HDAC4: variants seen among roughly 807,000 people sequenced by gnomAD.
The protein encoded by HDAC4 is histone deacetylase 4.
In HDAC4, 16 loss-of-function variants were observed where a neutral mutation model predicts 135.1. That is an observed-to-expected ratio of 0.12 (90% confidence interval 0.08 to 0.18). The LOEUF is 0.18. HDAC4 is among the 10% of genes least tolerant of loss of function. The probability of loss-of-function intolerance (pLI) is 1.00; values close to 1 mark genes in which losing one functional copy is unlikely to be tolerated. For missense variants in HDAC4, 1,143 were observed against 1,511.8 expected (o/e 0.76, Z 4.05); for synonymous variants, 685 against 653.4 (o/e 1.05, Z -0.74).
rs764669762 is a variant in HDAC4, at chr2:239,049,195, T to G, written c.*3902A>C. Reference sequence around the variant, plus strand: ...ATGACAAATGTTTAAGTAGTCCTTTTTATTTTTCTTACAATAAAAAGTACA... The same window carrying G: ...ATGACAAATGTTTAAGTAGTCCTTTGTATTTTTCTTACAATAAAAAGTACA... On this transcript the variant is annotated 3_prime_UTR_variant, in exon 27 of 27. Coordinates refer to ENST00000543185, the MANE Select transcript of HDAC4 (RefSeq NM_001378414.1). 6.6e-6 allele frequency: 1 copy of G among 152,560 alleles called. No homozygotes were observed. The highest frequency in any genetic ancestry group is 6.5e-5 in the Admixed American group (1 of 15,290). 9.5% of individuals were successfully genotyped at this position (152,560 alleles called of 1,614,324 possible).
chr2:239,053,248 C>T lies in HDAC4; in HGVS notation c.3231-112G>A, dbSNP rs2031164366. On this transcript the variant is annotated intron_variant, in intron 26 of 26. Coordinates refer to ENST00000543185, the MANE Select transcript of HDAC4 (RefSeq NM_001378414.1). ...TGCTGCCCCACCCGCCAGCCTAGCCCTGGCCTGGCAGCCCCGGGTCCATCT... is the reference window on the plus strand; with the variant it reads ...TGCTGCCCCACCCGCCAGCCTAGCCTTGGCCTGGCAGCCCCGGGTCCATCT... The T allele has an allele frequency of 4.2e-6, 6 of 1,445,678 alleles. No individual in the cohort carries two copies. The African/African-American group carries it at 5.6e-5, about 14-fold the overall frequency. 89.6% of individuals were successfully genotyped at this position (1,445,678 alleles called of 1,614,324 possible). A position where few individuals can be genotyped will look rare whatever the true frequency, so the allele number is the denominator to read the frequency against.
At chr2:239,132,862 C>T (rs6743011) in intron 11 of HDAC4, among the ~76,000 whole-genome samples, 12,447 of 152,148 alleles carry the variant, frequency 0.082, 1,713 homozygotes, top group African/African-American at 0.28. Context: ...TAAAGACAGG[C>T]GAGAAACTCA....
chr2:239,342,108 T>C (rs977145949), intron 2 of HDAC4, among the ~76,000 whole-genome samples: 1 of 152,114 alleles, frequency 6.6e-6, no homozygotes, highest in Admixed American at 6.5e-5. Flanking sequence ...TATTTACATA[T>C]CATCCACCCT....
At chr2:239,107,861 GC>G (rs1434170795) in intron 15 of HDAC4, among the ~76,000 whole-genome samples, 188 bp downstream of exon 15, 1 of 152,234 alleles carries the variant, frequency 6.6e-6, no homozygotes, top group Non-Finnish European at 1.5e-5. Flanking sequence ...CAGGGAGACA[GC>G]CCCGGGCTTC....
At chr2:239,107,021 G>A (rs2038206525) in intron 15 of HDAC4, among the ~76,000 whole-genome samples, 1 of 149,328 alleles carries the variant, frequency 6.7e-6, no homozygotes, top group Non-Finnish European at 1.5e-5. Flanking sequence ...ACCCTGCACA[G>A]TGTTGCCAGC....
At chr2:239,121,205 C>T (rs1455914026) in intron 12 of HDAC4, among the ~76,000 whole-genome samples, 6 of 152,196 alleles carry the variant, frequency 3.9e-5, no homozygotes, top group African/African-American at 1.4e-4. Flanking sequence ...GATCCACCCA[C>T]CTTGGCCTCC....
rs951598184 is a variant in HDAC4 at position 239,240,982 on chromosome 2, T to C, written c.23-4318A>G. Among the ~76,000 whole-genome samples the C allele has an allele frequency of 1.3e-5, 2 of 152,162 alleles. No individual in the cohort carries two copies. The highest frequency in any genetic ancestry group is 2.9e-5 in the Non-Finnish European group (2 of 68,012). ...TTCTGGAGCCAAAGGAACCTCACTT[T>C]CACCCGGAGGGCCCAGGCCCCCCAC... is the stretch of plus-strand genomic sequence containing the variant. On this transcript the variant is annotated intron_variant, in intron 2 of 26. Coordinates refer to ENST00000543185, the MANE Select transcript of HDAC4 (RefSeq NM_001378414.1). This position sits in a 1 kb window ranked among gnomAD's most constrained non-coding sequence, Gnocchi z 4.5.
chr2:239,084,341 A>T, intron 19 of HDAC4, 99 bp from the exon 20 acceptor site: 4 of 803,100 alleles, frequency 5.0e-6, no homozygotes, highest in Non-Finnish European at 6.4e-6. Flanking sequence ...CGCAGACCTA[A>T]GAGGTCTCTG....
At chr2:239,163,644 G>A (rs942493108) in intron 6 of HDAC4, among the ~76,000 whole-genome samples, 159 bp downstream of exon 6, 39 of 152,274 alleles carry the variant, frequency 2.6e-4, no homozygotes, top group African/African-American at 8.9e-4. Context: ...CCCAGAACAC[G>A]TCACCCACAT....
Position 239,190,177 on chromosome 2 carries a change from G to C in HDAC4, c.95-100C>G, listed in dbSNP as rs570604738. Reference sequence around the variant, plus strand: ...CACACTGGCCACCTTCACGGGGCGGGGGGGGGGTTGTGACCATTTGAGGAT... The same window carrying C: ...CACACTGGCCACCTTCACGGGGCGGCGGGGGGGTTGTGACCATTTGAGGAT... On this transcript the variant is annotated intron_variant, in intron 3 of 26. Transcript: ENST00000543185. 4.2e-5 allele frequency: 60 copies of C among 1,436,550 alleles called. 1 individual carries two copies. In the Middle Eastern group the frequency reaches 7.6e-4, roughly 18 times the overall value. The allele number at this position is 1,436,550 out of a possible 1,614,324, so 89.0% of individuals were successfully genotyped here.
intron 15 of HDAC4, among the ~76,000 whole-genome samples, chr2:239,105,056 T>G (rs1034156245): frequency 6.6e-6 from 1 of 152,248 alleles, no homozygotes; most frequent in Non-Finnish European, 1.5e-5. Context: ...CGGCTCAGAC[T>G]GAGCACCTGA....
rs571230042 is a variant in HDAC4 at position 239,066,773 on chromosome 2, G to A, written c.2952C>T (p.Thr984=). Residue 984 remains threonine (T), a synonymous_variant, in exon 24 of 27, where the codon ACC becomes ACT. Transcript: ENST00000543185. The stretch of plus-strand genomic sequence containing the variant: ...ATGCTTCCGAGGCGTCGCAAATGGC[G>A]GTCAGGTCGTGGCCTCCCTCGAGGG... The part of the protein sequence containing the change: ...VLALEGGHDL[T]AICDASEACV... The A allele has an allele frequency of 3.1e-5, 50 of 1,613,908 alleles. No individual in the cohort carries two copies. Among genetic ancestry groups the A allele is most frequent in the South Asian group, 1.6e-4 (15 of 91,082 alleles).
chr2:239,080,143 C>A (rs1379389847), intron 22 of HDAC4, among the ~76,000 whole-genome samples: 2 of 152,148 alleles, frequency 1.3e-5, no homozygotes, highest in South Asian at 4.1e-4. Context: ...CACACACGCA[C>A]GTGGACACAC....
intron 3 of HDAC4, among the ~76,000 whole-genome samples, chr2:239,191,227 C>G (rs572746943): frequency 3.5e-4 from 54 of 152,350 alleles, no homozygotes; most frequent in Middle Eastern, 3.4e-3. Flanking sequence ...AACAAGAGGG[C>G]TGCTGAGAAA....
intron 3 of HDAC4, among the ~76,000 whole-genome samples, chr2:239,235,495 G>A (rs1012101016): frequency 1.4e-4 from 21 of 152,216 alleles, no homozygotes; most frequent in Admixed American, 1.1e-3. Context: ...CCCAGGCCTC[G>A]GGACGCAGTC....
chr2:239,310,382 T>A (rs1376644378), intron 2 of HDAC4, among the ~76,000 whole-genome samples: 1 of 152,208 alleles, frequency 6.6e-6, no homozygotes, highest in Non-Finnish European at 1.5e-5. Context: ...TAGCAGATTC[T>A]GGATTTTGCT....
intron 1 of HDAC4, among the ~76,000 whole-genome samples, chr2:239,387,700 G>C (rs1265525124): frequency 6.6e-6 from 1 of 152,212 alleles, no homozygotes; most frequent in Non-Finnish European, 1.5e-5. Flanking sequence ...GCTTAGAGCG[G>C]TTGGGTCAAT....
intron 2 of HDAC4, among the ~76,000 whole-genome samples, chr2:239,351,459 C>CA (rs1693150678): frequency 6.6e-6 from 1 of 152,350 alleles, no homozygotes; most frequent in African/African-American, 2.4e-5. Context: ...GATACACTCT[C>CA]ACCCAACAGC....
Position 239,246,237 on chromosome 2 carries a change from G to A in HDAC4, c.23-9573C>T, listed in dbSNP as rs951544823. On this transcript the variant is annotated intron_variant, in intron 2 of 26. Coordinates refer to ENST00000543185, the MANE Select transcript of HDAC4 (RefSeq NM_001378414.1). ...GCAAACGCGGGCAGGAGTGAGCCACGGGGGAAAGGGAACAGCAGGTTACTC... is the reference window on the plus strand; with the variant it reads ...GCAAACGCGGGCAGGAGTGAGCCACAGGGGAAAGGGAACAGCAGGTTACTC... Among the ~76,000 whole-genome samples, 77 of 152,126 alleles carry A rather than the reference G, an allele frequency of 5.1e-4. 1 individual carries two copies. The highest frequency in any genetic ancestry group is 1.5e-4 in the Non-Finnish European group (10 of 68,006).
Sources: gnomAD v4.1 joint callset for allele counts (sites outside exome capture counted in the v4.1 genomes callset) on GRCh38, gnomAD v4.1.1 for gene constraint, Gnocchi (gnomAD v3.1) non-coding constraint, MANE v1.5 for transcripts, NCBI Gene and HGNC (gene_info 2026-07-23, HGNC 2026-07-21) for gene names.